CD55: variants seen among roughly 807,000 people sequenced by gnomAD.
CD55 encodes CD55 molecule (Cromer blood group), also known as complement decay-accelerating factor.
A neutral mutation model predicts 45.8 loss-of-function variants in CD55; 41 were observed. That is an observed-to-expected ratio of 0.90 (90% CI 0.70 to 1.16). CD55 has a LOEUF of 1.16. Ranked by LOEUF, CD55 falls within the 50% of genes most tolerant of loss-of-function variation. The pLI, the probability that CD55 is intolerant of heterozygous loss-of-function variation, is 0.00. For missense variants in CD55, 416 were observed against 469.8 expected (o/e 0.89, Z 1.06); for synonymous variants, 181 against 181.1 (o/e 1.00, Z 0.01).
chr1:207,328,304 C>T (rs1040199714), intron 5 of CD55, among the ~76,000 whole-genome samples: 10 of 152,210 alleles, frequency 6.6e-5, no homozygotes, highest in African/African-American at 2.4e-4. Context: ...ATCCCAGTGC[C>T]TTCAAATATC....
chr1:207,353,052 T>G (rs919062381), intron 9 of CD55, among the ~76,000 whole-genome samples: 2 of 140,768 alleles, frequency 1.4e-5, no homozygotes, highest in East Asian at 2.0e-4. Context: ...TTTTTTTTTT[T>G]TTTTTTTTTT....
chr1:207,337,311 C>T lies in CD55; in HGVS notation c.980-18C>T, dbSNP rs745710958. ...GGTCTCAAGAGTACACAAAGATTCC[C>T]TTCTGCTCATATTACAGCAACACGG... On this transcript the variant is annotated intron_variant, in intron 7 of 9. Transcript: ENST00000367064. 1.3e-6 allele frequency: 2 copies of T among 1,520,824 alleles called. No individual in the cohort carries two copies. The highest frequency in any genetic ancestry group is 2.2e-5 in the South Asian group (2 of 89,162). 94.2% of individuals were successfully genotyped at this position (1,520,824 alleles called of 1,614,324 possible).
chr1:207,337,721 C>T (rs1655250315), intron 8 of CD55: 1 of 228,226 alleles, frequency 4.4e-6, no homozygotes, highest in African/African-American at 2.3e-5. Flanking sequence ...ATTCAAGACC[C>T]CTTCAAAGAA....
At chr1:207,331,795 T>C (rs1473681943) in intron 6 of CD55, among the ~76,000 whole-genome samples, 1 of 152,152 alleles carries the variant, frequency 6.6e-6, no homozygotes, top group South Asian at 2.1e-4. Flanking sequence ...CTTCTAGACG[T>C]TTTTCTTTCA....
intron 4 of CD55, 74 bp downstream of exon 4, chr1:207,325,795 G>A: frequency 1.2e-6 from 1 of 813,724 alleles, no homozygotes; most frequent in Non-Finnish European, 2.1e-6. Context: ...GAGATTGTTA[G>A]TTTCATGACT....
chr1:207,344,594 A>G (rs1324331465), intron 9 of CD55, among the ~76,000 whole-genome samples: 1 of 151,842 alleles, frequency 6.6e-6, no homozygotes, highest in East Asian at 1.9e-4. Flanking sequence ...TGAGAAATCC[A>G]TTGTTAGTCT....
In CD55 at chr1:207,340,358, CT is replaced by C. The variant is rs952271040; in HGVS notation, c.1081+949del. On this transcript the variant is annotated intron_variant, in intron 9 of 9. Transcript: ENST00000367064. ...ATGCTAGATTTGTTTTCTTTCTTTT[CT>C]TTTTTTTATTTTTATTTTTTTTTTG... 15 of 443,698 alleles carry C rather than the reference CT, an allele frequency of 3.4e-5. No individual in the cohort carries two copies. The East Asian group carries it at 5.4e-4, about 16-fold the overall frequency. The allele number at this position is 443,698 out of a possible 1,614,324, so 27.5% of individuals were successfully genotyped here.
intron 9 of CD55, chr1:207,358,664 AT>A (rs1282440916): frequency 6.6e-6 from 1 of 152,198 alleles, no homozygotes; most frequent in East Asian, 1.9e-4. Context: ...ATCTTGCAAA[AT>A]ATCCATTAAT....
At chr1:207,334,321 G>A (rs1420611149) in intron 6 of CD55, among the ~76,000 whole-genome samples, 6 of 152,158 alleles carry the variant, frequency 3.9e-5, no homozygotes, top group African/African-American at 1.2e-4. Flanking sequence ...AAATAGAGAT[G>A]TATTCAGACA....
intron 5 of CD55, among the ~76,000 whole-genome samples, chr1:207,327,207 A>G (rs1286694645): frequency 6.6e-6 from 1 of 152,192 alleles, no homozygotes; most frequent in East Asian, 1.9e-4. Flanking sequence ...AGGGTCTGTA[A>G]GACTTGACCC....
At position 207,324,617 on chromosome 1, in the gene CD55, T is replaced by G; in HGVS notation, c.345T>G (p.Thr115=). 6.2e-7 allele frequency: 1 copy of G among 1,612,030 alleles called. No individual in the cohort carries two copies. The highest frequency in any genetic ancestry group is 2.2e-5 in the East Asian group (1 of 44,812). Residue 115 remains threonine (T), a synonymous_variant, in exon 3 of 10, where the codon ACT becomes ACG. Transcript: ENST00000367064. ...CATCCCTCAAACAGCCTTATATCAC[T>G]CAGAATTATTTTCCAGTCGGTACTG... ...NSASLKQPYI[T]QNYFPVGTVV...
At position 207,337,085 on chromosome 1, in the gene CD55, CCAG is replaced by C. The variant is rs921603673; in HGVS notation, c.980-236_980-234del. The C allele has an allele frequency of 4.8e-5, 29 of 605,790 alleles. No individual in the cohort carries two copies. The African/African-American group carries it at 5.2e-4, about 11-fold the overall frequency. The allele number at this position is 605,790 out of a possible 1,614,324, so 37.5% of individuals were successfully genotyped here. A position where few individuals can be genotyped will look rare whatever the true frequency, so the allele number is the denominator to read the frequency against. ...AGCAAATGATTCAGCCACCAAATCC[CCAG>C]CAGCAGCTCAGACATCTTTCATATC... On this transcript the variant is annotated intron_variant, in intron 7 of 9. Transcript: ENST00000367064.
At chr1:207,325,833 C>T (rs1292928669) in intron 4 of CD55, 112 bp downstream of exon 4, 5 of 581,364 alleles carry the variant, frequency 8.6e-6, no homozygotes, top group Non-Finnish European at 1.5e-5. Context: ...GCAATTAAAA[C>T]AATCCCTCTC....
chr1:207,353,575 G>A (rs943322575), intron 9 of CD55, among the ~76,000 whole-genome samples: 1 of 152,046 alleles, frequency 6.6e-6, no homozygotes, highest in African/African-American at 2.4e-5. Flanking sequence ...CCCTATACAT[G>A]ACAAACTTAA....
chr1:207,349,604 G>T (rs190578850), intron 9 of CD55, among the ~76,000 whole-genome samples: 1 of 152,206 alleles, frequency 6.6e-6, no homozygotes, highest in Admixed American at 6.5e-5. Flanking sequence ...CACCTCCCTG[G>T]TTAGCTGTAT....
intron 5 of CD55, among the ~76,000 whole-genome samples, chr1:207,330,191 C>T (rs17025155): frequency 0.02 from 3,020 of 152,226 alleles, 104 homozygotes; most frequent in African/African-American, 0.067. Context: ...TAGTGTAAAT[C>T]AGAACAGCTT....
At chr1:207,339,497 G>T in intron 9 of CD55, 80 bp downstream of exon 9, 1 of 1,097,624 alleles carries the variant, frequency 9.1e-7, no homozygotes, top group Non-Finnish European at 1.3e-6. Context: ...AGATAATATT[G>T]TCTTCTTGTT....
chr1:207,357,390 T>C (rs1656116753), intron 9 of CD55, among the ~76,000 whole-genome samples: 1 of 152,112 alleles, frequency 6.6e-6, no homozygotes, highest in African/African-American at 2.4e-5. Context: ...GCAAAGCTAC[T>C]CTGAAAAAAA....
rs28371669 is a variant in CD55 at position 207,357,694 on chromosome 1, T to C, written c.1082-1852T>C. On this transcript the variant is annotated intron_variant, in intron 9 of 9. Transcript: ENST00000367064. ...GATTGGCTGTGATACTTGTATGTCC[T>C]ATTAAGGACATAAAGTACTGGAACA... Among the ~76,000 whole-genome samples, 617 of 152,264 alleles carry C rather than the reference T, an allele frequency of 4.1e-3. 1 individual carries two copies. Among genetic ancestry groups the C allele is most frequent in the Non-Finnish European group, 6.6e-3 (448 of 68,012 alleles).
Sources: allele counts gnomAD v4.1 joint callset (sites outside exome capture counted in the v4.1 genomes callset), GRCh38; gene constraint gnomAD v4.1.1; transcripts MANE v1.5; gene names NCBI Gene and HGNC (gene_info 2026-07-23, HGNC 2026-07-21).